The following NEK1 variants were observed in gnomAD, a reference collection of about 807,000 sequenced individuals.
The protein encoded by NEK1 is NIMA related kinase 1.
In NEK1, 137 loss-of-function variants were observed where a neutral mutation model predicts 182.1. The observed-to-expected ratio is 0.75, with a 90% CI of 0.65 to 0.87. The LOEUF is 0.87. Ranked by LOEUF, NEK1 falls within the 40% of genes least tolerant of loss-of-function variation. NEK1 has a pLI of 0.00. For synonymous variants in NEK1, 513 were observed against 492.2 expected (o/e 1.04, Z -0.56); for missense variants, 1,391 against 1,494.4 (o/e 0.93, Z 1.14).
intron 19 of NEK1, among the ~76,000 whole-genome samples, chr4:169,511,970 T>C (rs1398553190): frequency 6.6e-6 from 1 of 152,140 alleles, no homozygotes; most frequent in Non-Finnish European, 1.5e-5. Context: ...CAGTATTCCA[T>C]GGGGTGGATA....
intron 23 of NEK1, 61 bp downstream of exon 23, chr4:169,506,976 C>A (rs1753376896): frequency 2.7e-6 from 3 of 1,107,346 alleles, no homozygotes; most frequent in South Asian, 1.5e-5. Flanking sequence ...TGATGTACTA[C>A]CCAGGAAGAG....
At position 169,508,821 on chromosome 4, in the gene NEK1, C is replaced by T. The variant is rs766095567; in HGVS notation, c.1697G>A (p.Gly566Glu). Residue 566 changes from glycine (G) to glutamate (E), a missense_variant, in exon 20 of 36, where the codon GGA becomes GAA. Coordinates refer to ENST00000507142, the MANE Select transcript of NEK1 (RefSeq NM_001199397.3). ...GILQNLAAMY[G>E]GRPSSSRGGK... Reference sequence around the variant, plus strand: ...TCCTCTTGAAGAGCTGGGCCTGCCTCCATACATAGCTGCCAGGTTTTGCAG... The same window carrying T: ...TCCTCTTGAAGAGCTGGGCCTGCCTTCATACATAGCTGCCAGGTTTTGCAG... 1 of 1,592,188 alleles carries T rather than the reference C, an allele frequency of 6.3e-7. No individual in the cohort carries two copies. Among genetic ancestry groups the T allele is most frequent in the Non-Finnish European group, 8.5e-7 (1 of 1,176,962 alleles).
At chr4:169,397,444 GTAGC>G (rs1730919607) in intron 35 of NEK1, among the ~76,000 whole-genome samples, 1 of 152,024 alleles carries the variant, frequency 6.6e-6, no homozygotes, top group Non-Finnish European at 1.5e-5. Flanking sequence ...AGTTTCTTTA[GTAGC>G]TATAGTAGCA....
rs1335686851 is a variant in NEK1 at position 169,588,687 on chromosome 4, T to C, written c.513A>G (p.Ser171=). ...RTCIGTPYYL[S]PEICENKPYN... The stretch of plus-strand genomic sequence containing the variant: ...AAGGTTTGTTTTCACAGATTTCAGG[T>C]GACAAGTAGTATGGGGTCCCTATGC... The change falls in exon 8 of 36, where the codon TCA becomes TCG. Residue 171 remains serine (S), a synonymous_variant. Coordinates refer to ENST00000507142, the MANE Select transcript of NEK1 (RefSeq NM_001199397.3). 6.5e-7 allele frequency: 1 copy of C among 1,549,872 alleles called. No individual in the cohort carries two copies. The highest frequency in any genetic ancestry group is 1.2e-5 in the South Asian group (1 of 83,968).
rs573411027 is a variant in NEK1, at chr4:169,567,557, G to A, written c.1021-5361C>T. 6.6e-5 allele frequency among the ~76,000 whole-genome samples: 10 copies of A among 152,182 alleles called. No homozygotes were observed. The South Asian group carries it at 2.1e-3, about 32-fold the overall frequency. On this transcript the variant is annotated intron_variant, in intron 12 of 35. Transcript: ENST00000507142. ...CCAGATTACAAGCACATGTCACCAT[G>A]CCTGGTTAATTTTTGTATTTTTACT...
At chr4:169,534,038 A>G (rs1199381670) in intron 19 of NEK1, among the ~76,000 whole-genome samples, 1 of 152,242 alleles carries the variant, frequency 6.6e-6, no homozygotes, top group African/African-American at 2.4e-5. Flanking sequence ...AGAACATCAC[A>G]TGTCTCATTA....
At chr4:169,568,036 G>A (rs1348651229) in intron 12 of NEK1, among the ~76,000 whole-genome samples, 2 of 152,102 alleles carry the variant, frequency 1.3e-5, no homozygotes, top group African/African-American at 4.8e-5. Flanking sequence ...TATACACTTG[G>A]CTACAATCCT....
intron 12 of NEK1, among the ~76,000 whole-genome samples, chr4:169,565,277 C>T (rs1763502395): frequency 6.6e-6 from 1 of 152,158 alleles, no homozygotes; most frequent in Non-Finnish European, 1.5e-5. Context: ...CCCTAAGTTT[C>T]ATAAAATATC....
chr4:169,540,918 G>C (rs1759305551), intron 18 of NEK1, among the ~76,000 whole-genome samples: 2 of 151,680 alleles, frequency 1.3e-5, no homozygotes, highest in Non-Finnish European at 2.9e-5. Context: ...AAGGGAGTAA[G>C]TTATTTTCTT....
chr4:169,545,177 A>ACC (rs1248736662), intron 18 of NEK1, among the ~76,000 whole-genome samples: 4 of 147,520 alleles, frequency 2.7e-5, no homozygotes, highest in Admixed American at 1.3e-4. Context: ...AGCCTTAGAT[A>ACC]TATCTCCCAA....
rs1220756901 is a variant in NEK1 at position 169,473,147 on chromosome 4, T to C, written c.2434+3977A>G. ...CGGGCATGGCAGCACGTGCCTGTAG[T>C]TCCAGCTACTCTGGAGGCTGAGGCA... On this transcript the variant is annotated intron_variant, in intron 26 of 35. Coordinates refer to ENST00000507142, the MANE Select transcript of NEK1 (RefSeq NM_001199397.3). Among the ~76,000 whole-genome samples the C allele has an allele frequency of 2.6e-5, 4 of 151,846 alleles. No individual in the cohort carries two copies. In the East Asian group the frequency reaches 5.8e-4, roughly 22 times the overall value.
At chr4:169,500,680 G>A (rs557518865) in intron 23 of NEK1, among the ~76,000 whole-genome samples, 2 of 152,280 alleles carry the variant, frequency 1.3e-5, no homozygotes, top group East Asian at 3.9e-4. Context: ...CATAAACAAA[G>A]GAGAAATAAA....
intron 19 of NEK1, among the ~76,000 whole-genome samples, chr4:169,536,870 T>A (rs1375413600): frequency 9.2e-5 from 14 of 152,120 alleles, no homozygotes; most frequent in Non-Finnish European, 2.1e-4. Flanking sequence ...AAGATACAAA[T>A]ATAGATTAAT....
At chr4:169,463,434 A>G (rs571484732) in intron 26 of NEK1, 39 bp from the exon 27 acceptor site, 4 of 1,508,358 alleles carry the variant, frequency 2.7e-6, no homozygotes, top group Middle Eastern at 1.7e-4. Context: ...TTTCAATAAC[A>G]GTATAATAAT....
Position 169,463,224 on chromosome 4 carries a change from A to T in NEK1, c.2587+19T>A, listed in dbSNP as rs1341088790. The T allele has an allele frequency of 7.1e-7, 1 of 1,399,176 alleles. No homozygotes were observed. The highest frequency in any genetic ancestry group is 1.5e-5 in the African/African-American group (1 of 68,112). 86.7% of individuals were successfully genotyped at this position (1,399,176 alleles called of 1,614,324 possible). On this transcript the variant is annotated intron_variant, in intron 27 of 35. Transcript: ENST00000507142. ...ATAATATTACTTCTAGTATAGAAAA[A>T]CTACCAGTTTCTCCTTACCACTTCT...
At position 169,577,069 on chromosome 4, in the gene NEK1, T is replaced by C; in HGVS notation, c.879A>G (p.Pro293=). 1.2e-6 allele frequency: 2 copies of C among 1,613,678 alleles called. No homozygotes were observed. Among genetic ancestry groups the C allele is most frequent in the East Asian group, 2.2e-5 (1 of 44,792 alleles). The change falls in exon 12 of 36, where the codon CCA becomes CCG. Residue 293 remains proline (P), a synonymous_variant. Coordinates refer to ENST00000507142, the MANE Select transcript of NEK1 (RefSeq NM_001199397.3). ...FGSQPIPAKR[P]ASGQNSISVM... ...CAGAAATCGAGTTTTGTCCTGAAGC[T>C]GGTCTTTTAGCTAGATGAAAAGATA...
At position 169,562,267 on chromosome 4, in the gene NEK1, G is replaced by C; in HGVS notation, c.1021-71C>G. 3.9e-6 allele frequency: 4 copies of C among 1,025,478 alleles called. No homozygotes were observed. In the South Asian group the frequency reaches 6.5e-5, roughly 17 times the overall value. The allele number at this position is 1,025,478 out of a possible 1,614,324, so 63.5% of individuals were successfully genotyped here. A position where few individuals can be genotyped will look rare whatever the true frequency, so the allele number is the denominator to read the frequency against. ...CTTATTTGAAAATCCCAAATTTACAGAAATTTAAGATAAGAAAAAGGTAAA... is the reference window on the plus strand; with the variant it reads ...CTTATTTGAAAATCCCAAATTTACACAAATTTAAGATAAGAAAAAGGTAAA... On this transcript the variant is annotated intron_variant, in intron 12 of 35. Coordinates refer to ENST00000507142, the MANE Select transcript of NEK1 (RefSeq NM_001199397.3).
chr4:169,566,825 C>CGT (rs754617985), intron 12 of NEK1, among the ~76,000 whole-genome samples: 65 of 152,054 alleles, frequency 4.3e-4, no homozygotes, highest in South Asian at 1.0e-3. Flanking sequence ...AGGGAAAGGC[C>CGT]GTGTGTGGTG....
intron 35 of NEK1, among the ~76,000 whole-genome samples, chr4:169,395,540 C>A (rs913248859): frequency 6.6e-6 from 1 of 152,178 alleles, no homozygotes; most frequent in Non-Finnish European, 1.5e-5. Context: ...TATCCTGTCA[C>A]CATCAATGTA....
Sources: gnomAD v4.1 joint callset for allele counts (sites outside exome capture counted in the v4.1 genomes callset) on GRCh38, gnomAD v4.1.1 for gene constraint, MANE v1.5 for transcripts, NCBI Gene and HGNC (gene_info 2026-07-23, HGNC 2026-07-21) for gene names.